ASTN2: variants seen among roughly 807,000 people sequenced by gnomAD.
ASTN2 encodes astrotactin 2, also known as astrotactin-2.
Under a neutral mutation model 139.8 loss-of-function variants are expected in ASTN2, and 54 were observed. The ratio of observed to expected loss-of-function variants is 0.39; its 90% CI spans 0.31 to 0.48. ASTN2 has a LOEUF of 0.48. Ranked by LOEUF, ASTN2 falls within the 20% of genes least tolerant of loss-of-function variation. The pLI is 0.95. For synonymous variants in ASTN2, 756 were observed against 719.5 expected (o/e 1.05, Z -0.81); for missense variants, 1,565 against 1,725.1 (o/e 0.91, Z 1.64).
intron 16 of ASTN2, chr9:116,687,328 G>C: frequency 1.0e-6 from 1 of 966,138 alleles, no homozygotes; most frequent in East Asian, 1.1e-4. Flanking sequence ...TGCGCAGAGG[G>C]AGGCAGGCGG....
chr9:116,631,541 T>C (rs1856743950), intron 17 of ASTN2, among the ~76,000 whole-genome samples: 1 of 151,402 alleles, frequency 6.6e-6, no homozygotes, highest in African/African-American at 2.4e-5. Flanking sequence ...GGAGAGATGA[T>C]TGGTAGTTAC....
At chr9:117,219,960 C>T (rs1588097107) in intron 2 of ASTN2, among the ~76,000 whole-genome samples, 1 of 152,200 alleles carries the variant, frequency 6.6e-6, no homozygotes, top group Admixed American at 6.5e-5. Flanking sequence ...TGCTTCTCTC[C>T]TTGCTGTTGG....
chr9:117,081,508 G>A (rs891331208), intron 5 of ASTN2, among the ~76,000 whole-genome samples: 1 of 152,124 alleles, frequency 6.6e-6, no homozygotes, highest in Non-Finnish European at 1.5e-5. Flanking sequence ...TCCCCTTAAT[G>A]TGGGTGCCAC....
intron 4 of ASTN2, among the ~76,000 whole-genome samples, chr9:117,115,024 C>A (rs73657638): frequency 2.0e-5 from 3 of 151,990 alleles, no homozygotes; most frequent in African/African-American, 7.2e-5. Context: ...TGAGACACCC[C>A]GAAGCAAGAA....
chr9:116,462,184 C>G (rs56845240), intron 20 of ASTN2, among the ~76,000 whole-genome samples: 2,680 of 152,216 alleles, frequency 0.018, 91 homozygotes, highest in African/African-American at 0.062. Context: ...TTAAAATGTC[C>G]TCATATGTAA....
chr9:117,177,250 G>A (rs564478560), intron 3 of ASTN2, among the ~76,000 whole-genome samples: 1 of 152,230 alleles, frequency 6.6e-6, no homozygotes, highest in Non-Finnish European at 1.5e-5. Flanking sequence ...AACAGTTTAT[G>A]CTCTGTAACT....
At chr9:117,319,235 G>A (rs1425502680) in intron 1 of ASTN2, among the ~76,000 whole-genome samples, 6 of 152,220 alleles carry the variant, frequency 3.9e-5, no homozygotes, top group East Asian at 3.9e-4. Flanking sequence ...AATACTCAAT[G>A]AATGCTCACC....
intron 13 of ASTN2, among the ~76,000 whole-genome samples, chr9:116,770,649 C>T (rs1433156087): frequency 6.6e-6 from 1 of 152,150 alleles, no homozygotes; most frequent in Non-Finnish European, 1.5e-5. Context: ...CAGTTCCAGG[C>T]TTTGAACACC....
chr9:117,080,876 G>A (rs919835779), intron 5 of ASTN2, among the ~76,000 whole-genome samples: 1 of 152,102 alleles, frequency 6.6e-6, no homozygotes, highest in Non-Finnish European at 1.5e-5. Flanking sequence ...TCTACAATGT[G>A]TATTAAATGA....
intron 3 of ASTN2, among the ~76,000 whole-genome samples, chr9:117,149,239 C>T (rs1235117549): frequency 1.3e-5 from 2 of 151,972 alleles, no homozygotes; most frequent in Non-Finnish European, 2.9e-5. Flanking sequence ...GGGCTGGTCT[C>T]GAACTCTTGA....
intron 17 of ASTN2, among the ~76,000 whole-genome samples, chr9:116,623,832 G>A (rs1186348323): frequency 2.6e-5 from 4 of 152,090 alleles, no homozygotes; most frequent in Admixed American, 2.6e-4. Context: ...AGGTCACACA[G>A]GAAGAATAAA....
intron 19 of ASTN2, among the ~76,000 whole-genome samples, chr9:116,610,352 C>T (rs994133948): frequency 1.1e-4 from 16 of 152,152 alleles, no homozygotes; most frequent in African/African-American, 3.9e-4. Context: ...CACCTATAAT[C>T]CCAGCACTTT....
chr9:116,855,751 G>T (rs1832723048), intron 11 of ASTN2, among the ~76,000 whole-genome samples: 1 of 152,104 alleles, frequency 6.6e-6, no homozygotes, highest in African/African-American at 2.4e-5. Context: ...TTGGATTTGG[G>T]CAAGTTTCTC....
At chr9:116,766,645 CCA>C (rs1829817066) in intron 13 of ASTN2, among the ~76,000 whole-genome samples, 2 of 151,890 alleles carry the variant, frequency 1.3e-5, no homozygotes, top group South Asian at 4.2e-4. Flanking sequence ...GTAAATGCAC[CCA>C]CATTCGCACT....
At chr9:116,955,726 G>C (rs1835687332) in intron 10 of ASTN2, among the ~76,000 whole-genome samples, 1 of 152,126 alleles carries the variant, frequency 6.6e-6, no homozygotes, top group Non-Finnish European at 1.5e-5. Context: ...TCACCTTTCT[G>C]GGCTTTATTT....
intron 10 of ASTN2, among the ~76,000 whole-genome samples, chr9:116,936,703 A>G (rs531517879): frequency 6.6e-6 from 1 of 152,252 alleles, no homozygotes; most frequent in South Asian, 2.1e-4. Context: ...TGAGCACTTC[A>G]GTATCAATCT....
At chr9:116,490,970 T>C (rs1485809956) in intron 19 of ASTN2, among the ~76,000 whole-genome samples, 2 of 152,202 alleles carry the variant, frequency 1.3e-5, no homozygotes, top group Non-Finnish European at 2.9e-5. Context: ...TTCCAGATAG[T>C]TCCATGAATT....
intron 16 of ASTN2, among the ~76,000 whole-genome samples, chr9:116,664,130 A>T (rs964834124): frequency 6.6e-6 from 1 of 152,204 alleles, no homozygotes; most frequent in Non-Finnish European, 1.5e-5. Context: ...GCATCCAAAC[A>T]GTGGGGTACT....
intron 19 of ASTN2, among the ~76,000 whole-genome samples, chr9:116,501,119 C>A (rs906757494): frequency 4.6e-5 from 7 of 152,142 alleles, no homozygotes; most frequent in Non-Finnish European, 8.8e-5. Context: ...CTTTCTTCTT[C>A]TCCCCTAGGG....
Sources: gnomAD v4.1 joint callset for allele counts (sites outside exome capture counted in the v4.1 genomes callset) on GRCh38, gnomAD v4.1.1 for gene constraint, MANE v1.5 for transcripts, NCBI Gene and HGNC (gene_info 2026-07-23, HGNC 2026-07-21) for gene names.